UPP2: variants seen among roughly 807,000 people sequenced by gnomAD.
UPP2 encodes uridine phosphorylase 2.
A neutral mutation model predicts 26.7 loss-of-function variants in UPP2; 23 were observed. That is an observed-to-expected ratio of 0.86 (90% CI 0.62 to 1.22). The LOEUF is 1.22. Ranked by LOEUF, UPP2 falls within the 50% of genes most tolerant of loss-of-function variation. The pLI, the probability that UPP2 is intolerant of heterozygous loss-of-function variation, is 0.00. For synonymous variants in UPP2, 127 were observed against 141.3 expected, an observed-to-expected ratio of 0.90 and a Z score of 0.72; for missense variants, 387 against 396.7, an observed-to-expected ratio of 0.98 and a Z score of 0.21.
At chr2:158,006,446 C>T (rs1683490339) in intron 2 of UPP2, among the ~76,000 whole-genome samples, 1 of 144,508 alleles carries the variant, frequency 6.9e-6, no homozygotes, top group African/African-American at 2.6e-5. Context: ...CGCTGCACTC[C>T]AGCCTGGGTG....
intron 2 of UPP2, among the ~76,000 whole-genome samples, chr2:158,008,076 T>C (rs1376194287): frequency 6.6e-6 from 1 of 152,248 alleles, no homozygotes; most frequent in African/African-American, 2.4e-5. Context: ...TGTAATTGGA[T>C]ACATGGAAAG....
Position 158,106,113 on chromosome 2 carries a change from A to G in UPP2, c.77A>G (p.His26Arg). 6.3e-7 allele frequency: 1 copy of G among 1,592,820 alleles called. No individual in the cohort carries two copies. The highest frequency in any genetic ancestry group is 1.2e-5 in the South Asian group (1 of 85,258). The change falls in exon 2 of 7, where the codon CAC becomes CGC. Residue 26 changes from histidine (H) to arginine (R), a missense_variant. By Grantham distance (29) the His-to-Arg change is conservative (BLOSUM62 0). Coordinates refer to ENST00000005756, the MANE Select transcript of UPP2 (RefSeq NM_173355.4). ...RNTYVGKRFVHVKNPYLDLMD... is the reference protein window; with the variant it reads ...RNTYVGKRFVRVKNPYLDLMD... ...TTTTTTTCCAGAAAAAGGTTTGTTCACGTTAAAAATCCTTACTTGGATTTG... is the reference window on the plus strand; with the variant it reads ...TTTTTTTCCAGAAAAAGGTTTGTTCGCGTTAAAAATCCTTACTTGGATTTG...
chr2:158,006,840 T>C (rs1278181469), intron 2 of UPP2, among the ~76,000 whole-genome samples: 3 of 152,196 alleles, frequency 2.0e-5, no homozygotes, highest in Non-Finnish European at 4.4e-5. Flanking sequence ...AGAGCAGCTG[T>C]TACAAATGAC....
intron 3 of UPP2, among the ~76,000 whole-genome samples, chr2:158,034,022 T>A (rs1558909729): frequency 6.6e-6 from 1 of 152,112 alleles, no homozygotes; most frequent in Non-Finnish European, 1.5e-5. Context: ...TCAAGCAGCA[T>A]CTCCTGGCTC....
At chr2:158,059,274 G>A (rs1214846656) in intron 3 of UPP2, among the ~76,000 whole-genome samples, 1 of 152,196 alleles carries the variant, frequency 6.6e-6, no homozygotes, top group Non-Finnish European at 1.5e-5. Flanking sequence ...CCCAGCTCTA[G>A]CCATATAATG....
chr2:158,099,718 T>G (rs1356282276), upstream of UPP2, among the ~76,000 whole-genome samples: 1 of 152,192 alleles, frequency 6.6e-6, no homozygotes, highest in Non-Finnish European at 1.5e-5. Context: ...GCTTTCTTTT[T>G]CTAATATTAG....
chr2:158,074,089 AATCACT>A (rs1204076083), intron 3 of UPP2, among the ~76,000 whole-genome samples: 1 of 152,148 alleles, frequency 6.6e-6, no homozygotes, highest in Non-Finnish European at 1.5e-5. Context: ...GAGGAGGGAA[AATCACT>A]TGAGCTGGGA....
At chr2:158,112,306 C>T (rs1481459923) in intron 2 of UPP2, among the ~76,000 whole-genome samples, 4 of 151,994 alleles carry the variant, frequency 2.6e-5, no homozygotes, top group Admixed American at 2.6e-4. Flanking sequence ...AAACTCTCAC[C>T]TTTATGTACA....
At chr2:158,104,631 A>G (rs1683141973) in intron 1 of UPP2, among the ~76,000 whole-genome samples, 2 of 152,102 alleles carry the variant, frequency 1.3e-5, no homozygotes, top group Admixed American at 6.6e-5. Context: ...AATGAAAGCC[A>G]TGTGGAAAGG....
intron 3 of UPP2, among the ~76,000 whole-genome samples, chr2:158,076,010 T>C (rs1682625472): frequency 6.6e-6 from 1 of 151,944 alleles, no homozygotes. Context: ...CTGATTCCAC[T>C]GGAATTCAAA....
At chr2:158,053,019 C>T (rs1255929467) in intron 3 of UPP2, among the ~76,000 whole-genome samples, 1 of 152,134 alleles carries the variant, frequency 6.6e-6, no homozygotes, top group African/African-American at 2.4e-5. Context: ...TCACAAATCT[C>T]CTCATTACAG....
At chr2:158,057,215 A>G (rs1682259846) in intron 3 of UPP2, among the ~76,000 whole-genome samples, 1 of 152,126 alleles carries the variant, frequency 6.6e-6, no homozygotes, top group Admixed American at 6.5e-5. Flanking sequence ...TCTCTACTGT[A>G]AAGTTACTCT....
At chr2:158,086,049 A>G (rs988006433) in intron 3 of UPP2, among the ~76,000 whole-genome samples, 16 of 151,822 alleles carry the variant, frequency 1.1e-4, no homozygotes, top group African/African-American at 3.9e-4. Flanking sequence ...CTTTTTCTCT[A>G]TCTTGTGGAA....
At chr2:158,006,188 G>A (rs1028556877) in intron 2 of UPP2, among the ~76,000 whole-genome samples, 3 of 152,202 alleles carry the variant, frequency 2.0e-5, no homozygotes, top group Admixed American at 6.5e-5. Context: ...GGCTGGGCAC[G>A]GTGGCTCACG....
At chr2:158,060,731 T>C (rs1385197631) in intron 3 of UPP2, among the ~76,000 whole-genome samples, 3 of 152,186 alleles carry the variant, frequency 2.0e-5, no homozygotes, top group South Asian at 4.1e-4. Flanking sequence ...TAGGGCCCCA[T>C]AATGAGATTA....
chr2:158,070,249 C>A (rs1006238296), intron 3 of UPP2, among the ~76,000 whole-genome samples: 9 of 152,112 alleles, frequency 5.9e-5, no homozygotes, highest in African/African-American at 2.2e-4. Context: ...ATGAATGAAC[C>A]CAAACTGAGC....
intron 3 of UPP2, 125 bp downstream of exon 3, chr2:158,115,384 G>A (rs1417501693): frequency 8.3e-7 from 1 of 1,205,488 alleles, no homozygotes; most frequent in Non-Finnish European, 1.1e-6. Flanking sequence ...AAGGTGTCCA[G>A]GTATGAGTTC....
chr2:158,092,740 A>T (rs183408584), intron 3 of UPP2, among the ~76,000 whole-genome samples: 1 of 152,234 alleles, frequency 6.6e-6, no homozygotes, highest in Admixed American at 6.5e-5. Flanking sequence ...GTTACTTTAT[A>T]CCAAAATGTG....
At chr2:158,007,813 G>T (rs1574242546) in intron 2 of UPP2, among the ~76,000 whole-genome samples, 1 of 152,014 alleles carries the variant, frequency 6.6e-6, no homozygotes. Flanking sequence ...ATGTTGGTCA[G>T]CTGGTCTTGA....
Sources: allele counts gnomAD v4.1 joint callset (sites outside exome capture counted in the v4.1 genomes callset), GRCh38; gene constraint gnomAD v4.1.1; transcripts MANE v1.5; gene names NCBI Gene and HGNC (gene_info 2026-07-23, HGNC 2026-07-21).